The following TLR8 variants were observed in gnomAD, a reference collection of about 807,000 sequenced individuals.
TLR8 encodes toll like receptor 8, also known as toll-like receptor 8.
TLR8 carries 5 observed loss-of-function variants against 18.5 expected under a neutral mutation model. The ratio of observed to expected loss-of-function variants is 0.27; its 90% CI spans 0.14 to 0.57. The LOEUF (loss-of-function observed/expected upper bound fraction) is 0.57. Among genes scored for constraint, TLR8 ranks in the 20% least tolerant of loss-of-function variants. TLR8 has a pLI of 0.92. For missense variants in TLR8, 543 were observed against 769.8 expected (o/e 0.71, Z 3.49); for synonymous variants, 299 against 300.1 (o/e 1.00, Z 0.04).
rs2043098212 is a variant in TLR8, at chrX:12,921,872, T to C, written c.2832T>C (p.Phe944=). The change falls in exon 2 of 2, where the codon TTT becomes TTC. Residue 944 remains phenylalanine, a synonymous_variant. Transcript: ENST00000218032. ...QSINQSKKTV[F]VLTKKYAKSW... is the part of the protein sequence containing the mutation. ...TCAACCAAAGCAAGAAAACAGTATT[T>C]GTTTTAACCAAAAAATATGCAAAAA... 6.6e-6 allele frequency: 8 copies of C among 1,211,846 alleles called. No homozygotes were observed. Among genetic ancestry groups the C allele is most frequent in the Non-Finnish European group, 8.9e-6 (8 of 895,534 alleles).
rs759898435 is a variant in TLR8 at position 12,915,362 on chromosome X, C to T, written c.4-3682C>T. ...TGTATTTTTTGTAGAGATGGGATCT[C>T]GCCACATGGCCCAGTCTGGTGTCCA... On this transcript the variant is annotated intron_variant, in intron 1 of 1. Transcript: ENST00000218032. Among the ~76,000 whole-genome samples the T allele has an allele frequency of 4.5e-5, 5 of 111,883 alleles. No individual in the cohort carries two copies. In the South Asian group the frequency reaches 1.9e-3, roughly 42 times the overall value.
chrX:12,906,946 T>C (rs2042988905), intron 1 of TLR8, among the ~76,000 whole-genome samples: 1 of 112,479 alleles, frequency 8.9e-6, no homozygotes, highest in African/African-American at 3.2e-5. Context: ...TCAAATGCAG[T>C]GATGATCTTA....
At position 12,921,866 on chromosome X, in the gene TLR8, A is replaced by C; in HGVS notation, c.2826A>C (p.Thr942=). Residue 942 remains threonine (T), a synonymous_variant, in exon 2 of 2, where the codon ACA becomes ACC. Transcript: ENST00000218032. ...LMQSINQSKK[T]VFVLTKKYAK... ...AGAGCATCAACCAAAGCAAGAAAAC[A>C]GTATTTGTTTTAACCAAAAAATATG... 1 of 1,211,952 alleles carries C rather than the reference A, an allele frequency of 8.3e-7. No homozygotes were observed. The highest frequency in any genetic ancestry group is 1.8e-5 in the South Asian group (1 of 56,963).
chrX:12,911,348 G>A (rs183274858), intron 1 of TLR8, among the ~76,000 whole-genome samples: 1 of 111,849 alleles, frequency 8.9e-6, no homozygotes, highest in Non-Finnish European at 1.9e-5. Context: ...GGGAAAATCT[G>A]TTTCATGCTC....
In TLR8 at chrX:12,919,370, A is replaced by G; in HGVS notation, c.330A>G (p.Gln110=). ...VQHQNGNPGI[Q]SNGLNITDGA... is the part of the protein sequence containing the mutation. The stretch of plus-strand genomic sequence containing the variant: ...ACCAGAACGGAAATCCCGGTATACA[A>G]TCAAATGGCTTGAATATCACAGACG... Residue 110 remains glutamine, a synonymous_variant, in exon 2 of 2, where the codon CAA becomes CAG. Transcript: ENST00000218032. 2.5e-6 allele frequency: 3 copies of G among 1,211,906 alleles called. No individual in the cohort carries two copies. The highest frequency in any genetic ancestry group is 4.3e-5 in the Admixed American group (2 of 46,049).
In TLR8 at chrX:12,921,142, T is replaced by C; in HGVS notation, c.2102T>C (p.Leu701Pro). ...CTTGACTTACGTGGAAACAAACTACTCTTTTTAACTGATAGCCTATCTGAC... is the reference window on the plus strand; with the variant it reads ...CTTGACTTACGTGGAAACAAACTACCCTTTTTAACTGATAGCCTATCTGAC... Reference protein sequence around the residue: ...ELLDLRGNKLLFLTDSLSDFT... With the variant: ...ELLDLRGNKLPFLTDSLSDFT... The change falls in exon 2 of 2, where the codon CTC (leucine) becomes CCC (proline). Residue 701 changes from leucine to proline, a missense_variant. By Grantham distance (98) the Leu-to-Pro change is moderately conservative (BLOSUM62 -3). This residue lies in a region of TLR8 where 227 missense variants were observed against 312.9 expected (regional missense o/e 0.73). Transcript: ENST00000218032. 5 of 1,211,756 alleles carry C rather than the reference T, an allele frequency of 4.1e-6. No individual in the cohort carries two copies. Among genetic ancestry groups the C allele is most frequent in the Non-Finnish European group, 5.6e-6 (5 of 895,433 alleles).
At chrX:12,906,876 C>T (rs2147252068) in intron 1 of TLR8, among the ~76,000 whole-genome samples, 167 bp downstream of exon 1, 1 of 112,363 alleles carries the variant, frequency 8.9e-6, no homozygotes, top group East Asian at 2.8e-4. Context: ...AAGCGGCTTG[C>T]TATGATCTTT....
intron 1 of TLR8, among the ~76,000 whole-genome samples, chrX:12,908,587 G>T (rs1350538248): frequency 8.9e-6 from 1 of 112,305 alleles, no homozygotes; most frequent in Admixed American, 9.4e-5. Flanking sequence ...TCTGGATACA[G>T]GGCTTGGCAT....
At chrX:12,916,123 G>A (rs745750328) in intron 1 of TLR8, among the ~76,000 whole-genome samples, 4 of 111,307 alleles carry the variant, frequency 3.6e-5, no homozygotes, top group Admixed American at 9.5e-5. Flanking sequence ...TCAGGTGATC[G>A]GCCCGCCTCG....
intron 1 of TLR8, chrX:12,910,442 G>A (rs1356101235): frequency 1.7e-6 from 2 of 1,167,094 alleles, no homozygotes; most frequent in Non-Finnish European, 2.3e-6. Context: ...AGACTAAAAA[G>A]GTAAAAAGCT....
Position 12,919,453 on chromosome X carries a change from C to A in TLR8, c.413C>A (p.Pro138His), listed in dbSNP as rs1231166125. The A allele has an allele frequency of 3.3e-6, 4 of 1,210,315 alleles. No homozygotes were observed. The South Asian group carries it at 7.0e-5, about 21-fold the overall frequency. Residue 138 changes from proline (P) to histidine (H), a missense_variant, in exon 2 of 2, where the codon CCC becomes CAC. This residue lies in a region of TLR8 where 117 missense variants were observed against 111.0 expected (regional missense o/e 1.05). Coordinates refer to ENST00000218032, the MANE Select transcript of TLR8 (RefSeq NM_138636.5). Reference sequence around the variant, plus strand: ...TTACTGCTTGAAGACAACCAGTTACCCCAAATACCCTCTGGTTTGCCAGAG... The same window carrying A: ...TTACTGCTTGAAGACAACCAGTTACACCAAATACCCTCTGGTTTGCCAGAG... ...RELLLEDNQL[P>H]QIPSGLPESL...
At chrX:12,911,979 G>A (rs5744048) in intron 1 of TLR8, among the ~76,000 whole-genome samples, 4 of 112,416 alleles carry the variant, frequency 3.6e-5, no homozygotes, top group East Asian at 2.8e-4. Flanking sequence ...TTTGATCTTA[G>A]AGGATTCTAT....
chrX:12,907,862 T>C (rs2042995359), intron 1 of TLR8, among the ~76,000 whole-genome samples: 1 of 111,633 alleles, frequency 9.0e-6, no homozygotes, highest in Non-Finnish European at 1.9e-5. Context: ...ATGTTCATTA[T>C]GGATCTTGAA....
At chrX:12,910,876 A>C (rs1198142665) in intron 1 of TLR8, among the ~76,000 whole-genome samples, 1 of 111,600 alleles carries the variant, frequency 9.0e-6, no homozygotes, top group Non-Finnish European at 1.9e-5. Flanking sequence ...AAATAGAAAA[A>C]CTGTTGTGAA....
In TLR8 at chrX:12,920,734, C is replaced by T; in HGVS notation, c.1694C>T (p.Ser565Leu). The change falls in exon 2 of 2, where the codon TCA becomes TTA. Residue 565 changes from serine to leucine, a missense_variant. This residue lies in a region of TLR8 where 14 missense variants were observed against 47.0 expected (regional missense o/e 0.30). Transcript: ENST00000218032. Reference sequence around the variant, plus strand: ...GAAGTTCTAGATCTCAGCTATAATTCACACTATTTCAGAATAGCAGGCGTA... The same window carrying T: ...GAAGTTCTAGATCTCAGCTATAATTTACACTATTTCAGAATAGCAGGCGTA... ...DLEVLDLSYN[S>L]HYFRIAGVTH... 8.3e-7 allele frequency: 1 copy of T among 1,211,033 alleles called. No homozygotes were observed. Among genetic ancestry groups the T allele is most frequent in the Non-Finnish European group, 1.1e-6 (1 of 895,096 alleles).
At chrX:12,913,048 G>A (rs2043031771) in intron 1 of TLR8, among the ~76,000 whole-genome samples, 1 of 112,371 alleles carries the variant, frequency 8.9e-6, no homozygotes, top group African/African-American at 3.2e-5. Flanking sequence ...AGCATGCAAA[G>A]GGAGTGGTCT....
rs753639022 is a variant in TLR8 at position 12,920,395 on chromosome X, G to A, written c.1355G>A (p.Arg452Gln). 5.0e-6 allele frequency: 6 copies of A among 1,207,507 alleles called. No homozygotes were observed. The highest frequency in any genetic ancestry group is 3.5e-5 in the African/African-American group (2 of 57,170). Residue 452 changes from arginine to glutamine, a missense_variant, in exon 2 of 2, where the codon CGG (arginine) becomes CAG (glutamine). By Grantham distance (43) the Arg-to-Gln change is conservative (BLOSUM62 1). This residue lies in a region of TLR8 where 185 missense variants were observed against 298.9 expected (regional missense o/e 0.62). Transcript: ENST00000218032. ...ANSSSFQRHI[R>Q]KRRSTDFEFD... ...AGTTCCTCTTTTCAACGTCATATCC[G>A]GAAACGACGCTCAACAGATTTTGAG...
chrX:12,920,352 C>T lies in TLR8; in HGVS notation c.1312C>T (p.Arg438Trp), dbSNP rs5744081. Residue 438 changes from arginine (R) to tryptophan (W), a missense_variant, in exon 2 of 2, where the codon CGG (arginine) becomes TGG (tryptophan). This residue lies in a region of TLR8 where 185 missense variants were observed against 298.9 expected (regional missense o/e 0.62). Transcript: ENST00000218032. ...NRISPLVKDT[R>W]QSYANSSSFQ... ...AATATCACCGTTGGTAAAAGATACC[C>T]GGCAGAGTTATGCAAATAGTTCCTC... 5.0e-6 allele frequency: 6 copies of T among 1,210,566 alleles called. No individual in the cohort carries two copies. Among genetic ancestry groups the T allele is most frequent in the Non-Finnish European group, 6.7e-6 (6 of 894,997 alleles).
At chrX:12,918,694 C>A (rs1052940991) in intron 1 of TLR8, among the ~76,000 whole-genome samples, 4 of 110,384 alleles carry the variant, frequency 3.6e-5, no homozygotes, top group Non-Finnish European at 5.7e-5. Flanking sequence ...CCACTACGCC[C>A]GGCTAATTTT....
Sources: allele counts gnomAD v4.1 joint callset (sites outside exome capture counted in the v4.1 genomes callset), GRCh38; gene constraint gnomAD v4.1.1; regional missense constraint gnomAD v4.1.1; transcripts MANE v1.5; gene names NCBI Gene and HGNC (gene_info 2026-07-23, HGNC 2026-07-21).